Variants in PIEZO2 observed in about 807,000 individuals in gnomAD.
PIEZO2 encodes piezo type mechanosensitive ion channel component 2.
PIEZO2 carries 172 observed loss-of-function variants against 337.3 expected under a neutral mutation model. The ratio of observed to expected loss-of-function variants is 0.51; its 90% confidence interval spans 0.45 to 0.58. The LOEUF (loss-of-function observed/expected upper bound fraction) is 0.58. PIEZO2 is among the 20% of genes least tolerant of loss of function. PIEZO2 has a pLI of 0.00. For synonymous variants in PIEZO2, 1,251 were observed against 1,228.5 expected (o/e 1.02, Z -0.38); for missense variants, 3,028 against 3,391.3 (o/e 0.89, Z 2.66).
chr18:10,734,356 A>C (rs1377866278), intron 35 of PIEZO2, among the ~76,000 whole-genome samples: 1 of 152,210 alleles, frequency 6.6e-6, no homozygotes, highest in Non-Finnish European at 1.5e-5. Flanking sequence ...TGTGCTTCAC[A>C]TGAGAGTTTG....
intron 1 of PIEZO2, among the ~76,000 whole-genome samples, chr18:11,108,368 C>A (rs556176320): frequency 6.6e-6 from 1 of 152,240 alleles, no homozygotes; most frequent in Admixed American, 6.5e-5. Flanking sequence ...GTAATCCCAG[C>A]ACTTTGGGAG....
intron 53 of PIEZO2, among the ~76,000 whole-genome samples, chr18:10,675,635 G>A (rs368896059): frequency 6.6e-6 from 1 of 152,120 alleles, no homozygotes; most frequent in East Asian, 1.9e-4. Flanking sequence ...ATACCATTAA[G>A]CACGCTTCAA....
At chr18:11,144,226 C>A (rs575262325) in intron 1 of PIEZO2, among the ~76,000 whole-genome samples, 1 of 152,324 alleles carries the variant, frequency 6.6e-6, no homozygotes, top group South Asian at 2.1e-4. Flanking sequence ...CATGCTCATG[C>A]CCGTCTGTGT....
chr18:10,704,779 A>C, intron 41 of PIEZO2, 127 bp from the exon 42 acceptor site: 1 of 1,122,548 alleles, frequency 8.9e-7, no homozygotes, highest in Non-Finnish European at 1.2e-6. Flanking sequence ...CCGCCTCCCG[A>C]ACTCAAGCCA....
chr18:10,785,209 T>C (rs2039176045), intron 16 of PIEZO2, among the ~76,000 whole-genome samples: 1 of 152,232 alleles, frequency 6.6e-6, no homozygotes, highest in South Asian at 2.1e-4. Context: ...ATTAAACCTC[T>C]GGTCCTCCTT....
chr18:11,145,670 C>G (rs555389364), intron 1 of PIEZO2, among the ~76,000 whole-genome samples: 1 of 152,304 alleles, frequency 6.6e-6, no homozygotes, highest in South Asian at 2.1e-4. Flanking sequence ...GACCAGAACC[C>G]TCCAATAACC....
intron 12 of PIEZO2, among the ~76,000 whole-genome samples, chr18:10,796,369 C>CAA (rs58330881): frequency 2.8e-5 from 4 of 144,650 alleles, no homozygotes; most frequent in African/African-American, 7.6e-5. Context: ...GACTCCATCT[C>CAA]AAAAAAAAAA....
chr18:10,835,899 G>T (rs926493470), intron 7 of PIEZO2, among the ~76,000 whole-genome samples: 2 of 152,190 alleles, frequency 1.3e-5, no homozygotes, highest in African/African-American at 4.8e-5. Context: ...CAGTACTTTT[G>T]CAAATGCTCG....
At position 10,746,080 on chromosome 18, in the gene PIEZO2, A is replaced by T. The variant is rs1343587565; in HGVS notation, c.4425-1849T>A. ...TTTCTCAGTGATCCTATCCTGGTCTAGCTGCTATCTCTACCCTGGATTATC... is the reference window on the plus strand; with the variant it reads ...TTTCTCAGTGATCCTATCCTGGTCTTGCTGCTATCTCTACCCTGGATTATC... On this transcript the variant is annotated intron_variant, in intron 30 of 55. Transcript: ENST00000674853. The surrounding 1 kb of genome is among the most constrained non-coding windows in gnomAD (Gnocchi z 4.2). Among the ~76,000 whole-genome samples the T allele has an allele frequency of 1.3e-5, 2 of 152,104 alleles. No individual in the cohort carries two copies. Among genetic ancestry groups the T allele is most frequent in the Non-Finnish European group, 2.9e-5 (2 of 68,022 alleles).
In PIEZO2 at chr18:11,078,693, G is replaced by A. The variant is rs113207022; in HGVS notation, c.65-12471C>T. Among the ~76,000 whole-genome samples the A allele has an allele frequency of 6.6e-4, 100 of 152,220 alleles. No homozygotes were observed. Among genetic ancestry groups the A allele is most frequent in the Admixed American group, 1.4e-3 (22 of 15,284 alleles). ...GATACCATACTAATGAGACACATGC[G>A]GCCTCTGACCACAGTGTGAAAACCT... is the stretch of plus-strand genomic sequence containing the variant. On this transcript the variant is annotated intron_variant, in intron 1 of 55. Coordinates refer to ENST00000674853, the MANE Select transcript of PIEZO2 (RefSeq NM_001378183.1). This position sits in a 1 kb window ranked among gnomAD's most constrained non-coding sequence, Gnocchi z 5.3.
chr18:10,682,382 G>T lies in PIEZO2; in HGVS notation c.7498-90C>A. ...TTGGGGGAGAGCGAGTGCTCTTCCT[G>T]TGGTGCTGGGAACATGGATTTGGCC... On this transcript the variant is annotated intron_variant, in intron 49 of 55. Coordinates refer to ENST00000674853, the MANE Select transcript of PIEZO2 (RefSeq NM_001378183.1). This position sits in a 1 kb window ranked among gnomAD's most constrained non-coding sequence, Gnocchi z 5.6. The T allele has an allele frequency of 8.7e-7, 1 of 1,149,232 alleles. No individual in the cohort carries two copies. Among genetic ancestry groups the T allele is most frequent in the Non-Finnish European group, 1.2e-6 (1 of 824,262 alleles). 71.2% of individuals were successfully genotyped at this position (1,149,232 alleles called of 1,614,324 possible).
intron 36 of PIEZO2, among the ~76,000 whole-genome samples, chr18:10,725,837 C>G (rs1028774248): frequency 1.3e-5 from 2 of 152,166 alleles, no homozygotes; most frequent in African/African-American, 4.8e-5. Context: ...AAGGCCAGAT[C>G]CTGGGAATGG....
At position 11,097,103 on chromosome 18, in the gene PIEZO2, G is replaced by A. The variant is rs376390832; in HGVS notation, c.65-30881C>T. On this transcript the variant is annotated intron_variant, in intron 1 of 55. Transcript: ENST00000674853. This position sits in a 1 kb window ranked among gnomAD's most constrained non-coding sequence, Gnocchi z 5.0. ...ACAAGGCAATTTCATCCTCTCCTTG[G>A]AAATTGTCCCTGCTCCATTTTCGGC... Among the ~76,000 whole-genome samples, 75 of 152,198 alleles carry A rather than the reference G, an allele frequency of 4.9e-4. No individual in the cohort carries two copies. Among genetic ancestry groups the A allele is most frequent in the Middle Eastern group, 3.4e-3 (1 of 294 alleles).
At chr18:10,772,425 A>T (rs2143991615) in intron 20 of PIEZO2, among the ~76,000 whole-genome samples, 1 of 152,324 alleles carries the variant, frequency 6.6e-6, no homozygotes, top group Admixed American at 6.5e-5. Context: ...AAAATCCTAG[A>T]CTTAAGTCCT....
intron 1 of PIEZO2, among the ~76,000 whole-genome samples, chr18:11,087,277 A>G (rs944512805): frequency 1.3e-5 from 2 of 152,120 alleles, no homozygotes; most frequent in Non-Finnish European, 2.9e-5. Context: ...AAATTTACTT[A>G]CAGAGGCAGG....
intron 2 of PIEZO2, among the ~76,000 whole-genome samples, chr18:11,056,318 A>G (rs1480573020): frequency 2.6e-5 from 4 of 152,206 alleles, no homozygotes; most frequent in Non-Finnish European, 5.9e-5. Context: ...AACACCTCCC[A>G]GCTGCTGGGA....
At chr18:11,108,182 CA>C (rs984982527) in intron 1 of PIEZO2, among the ~76,000 whole-genome samples, 1 of 151,708 alleles carries the variant, frequency 6.6e-6, no homozygotes, top group Admixed American at 6.6e-5. Flanking sequence ...GAAAACAGAA[CA>C]AAAAAAAGTG....
rs189825582 is a variant in PIEZO2, at chr18:10,883,287, C to T, written c.330-11872G>A. ...CTTTCTCTTGGGTATATATACCCAGCAATGGGATTGCTGGGTCTCATGGTA... is the reference window on the plus strand; with the variant it reads ...CTTTCTCTTGGGTATATATACCCAGTAATGGGATTGCTGGGTCTCATGGTA... On this transcript the variant is annotated intron_variant, in intron 4 of 55. Transcript: ENST00000674853. 9.9e-5 allele frequency among the ~76,000 whole-genome samples: 15 copies of T among 152,210 alleles called. No individual in the cohort carries two copies. The East Asian group carries it at 2.9e-3, about 29-fold the overall frequency.
At position 11,109,948 on chromosome 18, in the gene PIEZO2, A is replaced by G. The variant is rs1345042480; in HGVS notation, c.64+38577T>C. Among the ~76,000 whole-genome samples the G allele has an allele frequency of 6.6e-6, 1 of 152,170 alleles. No individual in the cohort carries two copies. Among genetic ancestry groups the G allele is most frequent in the Non-Finnish European group, 1.5e-5 (1 of 68,028 alleles). ...TTTTTTAATCAGAAGTCAGACAGAA[A>G]GGTAGAGGGCTAGAATTGGGACAAA... On this transcript the variant is annotated intron_variant, in intron 1 of 55. Transcript: ENST00000674853. This position sits in a 1 kb window ranked among gnomAD's most constrained non-coding sequence, Gnocchi z 5.1.
Sources: allele counts gnomAD v4.1 joint callset (sites outside exome capture counted in the v4.1 genomes callset), GRCh38; gene constraint gnomAD v4.1.1; non-coding constraint Gnocchi (gnomAD v3.1); transcripts MANE v1.5; gene names NCBI Gene and HGNC (gene_info 2026-07-23, HGNC 2026-07-21).